ARHGEF1: variants seen among roughly 807,000 people sequenced by gnomAD.
ARHGEF1 encodes the protein 115 kDa guanine nucleotide exchange factor.
Under a neutral mutation model 119.7 loss-of-function variants are expected in ARHGEF1, and 40 were observed. The observed-to-expected ratio is 0.33, with a 90% CI of 0.26 to 0.44. The LOEUF (loss-of-function observed/expected upper bound fraction) is 0.44, where lower values mean the gene tolerates loss of function less well. ARHGEF1 is among the 20% of genes least tolerant of loss of function. The pLI is 1.00. For missense variants in ARHGEF1, 976 were observed against 1,268.3 expected, an observed-to-expected ratio of 0.77 and a Z score of 3.50; for synonymous variants, 494 against 521.0, an observed-to-expected ratio of 0.95 and a Z score of 0.71.
downstream of ARHGEF1, chr19:41,907,492 G>A (rs532844710): frequency 1.1e-4 from 144 of 1,311,322 alleles, 2 homozygotes; most frequent in South Asian, 1.7e-3. Flanking sequence ...CTGGCATGGC[G>A]TCTGGAACTC....
chr19:41,903,387 C>A lies in ARHGEF1; in HGVS notation c.1819C>A (p.Arg607Ser). ...TCTACACCACGTCAACCAAGCCGTGCGTGACATGGAGGACCTGCTGGTGAG... is the reference window on the plus strand; with the variant it reads ...TCTACACCACGTCAACCAAGCCGTGAGTGACATGGAGGACCTGCTGGTGAG... The part of the protein sequence containing the change: ...EILHHVNQAV[R>S]DMEDLLRLKD... Residue 607 changes from arginine to serine, a missense_variant, in exon 19 of 29, where the codon CGT becomes AGT. Around this residue, in one of 3 missense-constraint regions of ARHGEF1, gnomAD observed 286 missense variants for 506.8 expected, o/e 0.56. Transcript: ENST00000354532. The surrounding 1 kb of genome is among the most constrained non-coding windows in gnomAD (Gnocchi z 4.2). The A allele has an allele frequency of 6.2e-7, 1 of 1,613,944 alleles. No homozygotes were observed. The highest frequency in any genetic ancestry group is 8.5e-7 in the Non-Finnish European group (1 of 1,179,992).
At position 41,894,252 on chromosome 19, in the gene ARHGEF1, G is replaced by A. The variant is rs1251795303; in HGVS notation, c.690G>A (p.Gly230=). ...NAIGLYMRHL[G]VRTKSGDKKS... ...TTGGCCTGTACATGCGCCACCTTGG[G>A]GTGCGGACCAAGAGTGGAGACAAGA... is the stretch of plus-strand genomic sequence containing the variant. Residue 230 remains glycine, a synonymous_variant, in exon 9 of 29, where the codon GGG becomes GGA. Coordinates refer to ENST00000354532, the MANE Select transcript of ARHGEF1 (RefSeq NM_004706.4). 1 of 1,564,326 alleles carries A rather than the reference G, an allele frequency of 6.4e-7. No homozygotes were observed. The highest frequency in any genetic ancestry group is 8.7e-7 in the Non-Finnish European group (1 of 1,152,490).
Position 41,888,652 on chromosome 19 carries a change from C to A in ARHGEF1, c.112-100C>A. 1 of 1,141,968 alleles carries A rather than the reference C, an allele frequency of 8.8e-7. No homozygotes were observed. 70.7% of individuals were successfully genotyped at this position (1,141,968 alleles called of 1,614,324 possible). A position where few individuals can be genotyped will look rare whatever the true frequency, so the allele number is the denominator to read the frequency against. On this transcript the variant is annotated intron_variant, in intron 3 of 28. Transcript: ENST00000354532. The surrounding 1 kb of genome is among the most constrained non-coding windows in gnomAD (Gnocchi z 5.1). ...CCACTCCCCACTTCCCAGGAGCTAACCCTGGCTTGGATCCCTTGTGAAGTG... is the reference window on the plus strand; with the variant it reads ...CCACTCCCCACTTCCCAGGAGCTAAACCTGGCTTGGATCCCTTGTGAAGTG...
chr19:41,890,688 G>C (rs1413251269), intron 4 of ARHGEF1: 1 of 151,676 alleles, frequency 6.6e-6, no homozygotes, highest in Admixed American at 6.6e-5. Flanking sequence ...GCTGAGGCAG[G>C]AGACTCACTT....
Position 41,892,918 on chromosome 19 carries a change from A to G in ARHGEF1, c.614+69A>G. The G allele has an allele frequency of 7.0e-7, 1 of 1,437,024 alleles. No homozygotes were observed. Among genetic ancestry groups the G allele is most frequent in the Non-Finnish European group, 9.1e-7 (1 of 1,097,224 alleles). 89.0% of individuals were successfully genotyped at this position (1,437,024 alleles called of 1,614,324 possible). On this transcript the variant is annotated intron_variant, in intron 7 of 28. Coordinates refer to ENST00000354532, the MANE Select transcript of ARHGEF1 (RefSeq NM_004706.4). The surrounding 1 kb of genome is among the most constrained non-coding windows in gnomAD (Gnocchi z 6.3). ...CAAGGGCACCCGTGCTACCTCTGGC[A>G]TGTTCCATCCCGTTTGCAGGTTCCC...
intron 14 of ARHGEF1, 69 bp from the exon 15 acceptor site, chr19:41,901,818 C>A: frequency 6.4e-7 from 1 of 1,554,962 alleles, no homozygotes. Context: ...TTCCTCTAGC[C>A]TGCCCATGAG....
Position 41,897,658 on chromosome 19 carries a change from C to G in ARHGEF1, c.1122-784C>G, listed in dbSNP as rs537332605. On this transcript the variant is annotated intron_variant, in intron 13 of 28. Transcript: ENST00000354532. Reference sequence around the variant, plus strand: ...CTAAAATCCCACCACTCCTCTGACTCTCTCCTCTCTTCTGTTGCATGTTTG... The same window carrying G: ...CTAAAATCCCACCACTCCTCTGACTGTCTCCTCTCTTCTGTTGCATGTTTG... 3.9e-5 allele frequency: 10 copies of G among 253,340 alleles called. No individual in the cohort carries two copies. The South Asian group carries it at 4.1e-4, about 10-fold the overall frequency. The allele number at this position is 253,340 out of a possible 1,614,324, so 15.7% of individuals were successfully genotyped here. A position where few individuals can be genotyped will look rare whatever the true frequency, so the allele number is the denominator to read the frequency against.
At position 41,892,985 on chromosome 19, in the gene ARHGEF1, C is replaced by T; in HGVS notation, c.614+136C>T. On this transcript the variant is annotated intron_variant, in intron 7 of 28. Transcript: ENST00000354532. The surrounding 1 kb of genome is among the most constrained non-coding windows in gnomAD (Gnocchi z 6.3). Reference sequence around the variant, plus strand: ...TCATTTCTTGGCACTGGGGGTCTTCCTCTACCCTGGTGTTTTAACTCACCT... The same window carrying T: ...TCATTTCTTGGCACTGGGGGTCTTCTTCTACCCTGGTGTTTTAACTCACCT... 6.1e-6 allele frequency: 8 copies of T among 1,303,640 alleles called. No homozygotes were observed. In the South Asian group the frequency reaches 1.1e-4, roughly 18 times the overall value. The allele number at this position is 1,303,640 out of a possible 1,614,324, so 80.8% of individuals were successfully genotyped here.
At chr19:41,915,278 C>A (rs868962121) in intron 18 of ARHGEF1, among the ~76,000 whole-genome samples, 6 of 151,450 alleles carry the variant, frequency 4.0e-5, no homozygotes, top group African/African-American at 1.5e-4. Flanking sequence ...ACGCTCCCCC[C>A]GCCGTGTCTC....
chr19:41,895,455 T>G lies in ARHGEF1; in HGVS notation c.984T>G (p.Pro328=), dbSNP rs1319103586. 5 of 1,611,406 alleles carry G rather than the reference T, an allele frequency of 3.1e-6. No individual in the cohort carries two copies. Among genetic ancestry groups the G allele is most frequent in the Non-Finnish European group, 4.2e-6 (5 of 1,179,216 alleles). Residue 328 remains proline, a synonymous_variant, in exon 12 of 29, where the codon CCT becomes CCG. Transcript: ENST00000354532. ...ACACCCCTGGAGTCTCTCTGCACCC[T>G]CTGTCCCTGGACAGCCCAGACCGGG... ...GQDTPGVSLH[P]LSLDSPDREP...
chr19:41,889,658 G>C lies in ARHGEF1; in HGVS notation c.225+793G>C, dbSNP rs929761635. On this transcript the variant is annotated intron_variant, in intron 4 of 28. Coordinates refer to ENST00000354532, the MANE Select transcript of ARHGEF1 (RefSeq NM_004706.4). This position sits in a 1 kb window ranked among gnomAD's most constrained non-coding sequence, Gnocchi z 4.0. ...TGGACATGCATAGTGGACCCCTCCAGAAAACAAGGAAACCGATAGAGTGGG... is the reference window on the plus strand; with the variant it reads ...TGGACATGCATAGTGGACCCCTCCACAAAACAAGGAAACCGATAGAGTGGG... The C allele has an allele frequency of 3.3e-5, 5 of 152,304 alleles. No individual in the cohort carries two copies. The highest frequency in any genetic ancestry group is 1.2e-4 in the African/African-American group (5 of 41,454). 9.4% of individuals were successfully genotyped at this position (152,304 alleles called of 1,614,324 possible). A position where few individuals can be genotyped will look rare whatever the true frequency, so the allele number is the denominator to read the frequency against.
downstream of ARHGEF1, among the ~76,000 whole-genome samples, chr19:41,911,202 A>G (rs73550610): frequency 0.21 from 32,685 of 152,032 alleles, 10,074 homozygotes; most frequent in African/African-American, 0.68. Flanking sequence ...TCCACTGTCC[A>G]CATACCCCCA....
chr19:41,919,476 C>T (rs1311948199), upstream of ARHGEF1, among the ~76,000 whole-genome samples: 1 of 151,882 alleles, frequency 6.6e-6, no homozygotes, highest in African/African-American at 2.4e-5. Flanking sequence ...ACATTCAGCT[C>T]CTACAAATTA....
Position 41,903,831 on chromosome 19 carries a change from C to G in ARHGEF1, c.1917+47C>G. Reference sequence around the variant, plus strand: ...TCCCCCGCCCCCCTACTCCTTGGCCCAGGGGATTCTGTGATACAGCCCCCA... The same window carrying G: ...TCCCCCGCCCCCCTACTCCTTGGCCGAGGGGATTCTGTGATACAGCCCCCA... On this transcript the variant is annotated intron_variant, in intron 20 of 28. Coordinates refer to ENST00000354532, the MANE Select transcript of ARHGEF1 (RefSeq NM_004706.4). This position sits in a 1 kb window ranked among gnomAD's most constrained non-coding sequence, Gnocchi z 4.2. The G allele has an allele frequency of 1.3e-6, 2 of 1,593,434 alleles. No individual in the cohort carries two copies. Among genetic ancestry groups the G allele is most frequent in the Non-Finnish European group, 1.7e-6 (2 of 1,163,084 alleles).
At chr19:41,921,434 G>T (rs1196052737), upstream of ARHGEF1, among the ~76,000 whole-genome samples, 1 of 152,100 alleles carries the variant, frequency 6.6e-6, no homozygotes, top group Non-Finnish European at 1.5e-5. The surrounding 1 kb of genome is among the most constrained non-coding windows in gnomAD (Gnocchi z 4.4). Context: ...CAGAGGACAA[G>T]GACAGGTCCC....
downstream of ARHGEF1, chr19:41,909,836 G>A: frequency 6.3e-7 from 1 of 1,574,992 alleles, no homozygotes; most frequent in South Asian, 1.2e-5. The surrounding 1 kb of genome is among the most constrained non-coding windows in gnomAD (Gnocchi z 5.2). Flanking sequence ...AGGACAAGGT[G>A]GGATCCAGCC....
intron 13 of ARHGEF1, chr19:41,898,172 ATTG>A (rs2074543638): frequency 2.1e-6 from 3 of 1,409,892 alleles, no homozygotes; most frequent in Non-Finnish European, 2.8e-6. Flanking sequence ...TCAGGGAGGG[ATTG>A]TTGTCAGAGT....
downstream of ARHGEF1, chr19:41,907,642 C>T (rs1437538269): frequency 1.7e-5 from 8 of 467,056 alleles, no homozygotes; most frequent in Non-Finnish European, 2.6e-5. Context: ...TGAGGCGTCT[C>T]CCTGACACCG....
chr19:41,922,167 CT>C (rs1465714649), upstream of ARHGEF1, among the ~76,000 whole-genome samples: 5 of 151,926 alleles, frequency 3.3e-5, no homozygotes, highest in Admixed American at 1.3e-4. Flanking sequence ...ACCCAGAGTC[CT>C]TCTAGACGGC....
Sources: allele counts gnomAD v4.1 joint callset (sites outside exome capture counted in the v4.1 genomes callset), GRCh38; gene constraint gnomAD v4.1.1; regional missense constraint gnomAD v4.1.1; non-coding constraint Gnocchi (gnomAD v3.1); transcripts MANE v1.5; gene names NCBI Gene and HGNC (gene_info 2026-07-23, HGNC 2026-07-21).